Variants in GCNA observed in about 807,000 individuals in gnomAD.
GCNA encodes germ cell nuclear acidic peptidase.
In GCNA, 3 loss-of-function variants were observed where a neutral mutation model predicts 38.8. That is an observed-to-expected ratio of 0.08 (90% CI 0.04 to 0.20). The LOEUF (loss-of-function observed/expected upper bound fraction) is 0.20, where lower values mean the gene tolerates loss of function less well. Among genes scored for constraint, GCNA ranks in the 10% least tolerant of loss-of-function variants. The probability of loss-of-function intolerance (pLI) is 1.00; values close to 1 mark genes in which losing one functional copy is unlikely to be tolerated. For synonymous variants in GCNA, 195 were observed against 240.2 expected (o/e 0.81, Z 1.74); for missense variants, 446 against 578.6 (o/e 0.77, Z 2.35).
chrX:71,601,342 A>G (rs2040713252), intron 7 of GCNA, among the ~76,000 whole-genome samples: 1 of 108,973 alleles, frequency 9.2e-6, no homozygotes, highest in Non-Finnish European at 1.9e-5. Flanking sequence ...TCCATCTCAA[A>G]CAACAACAAC....
At chrX:71,610,050 C>T (rs1569442167) in intron 10 of GCNA, among the ~76,000 whole-genome samples, 2 of 111,256 alleles carry the variant, frequency 1.8e-5, no homozygotes. Flanking sequence ...GCAGGGTTGT[C>T]CTTCTCTCCT....
Position 71,589,450 on chromosome X carries a change from CTTTTTTTTTTTTTTTTTTT to C in GCNA, c.60-2657_60-2639del, listed in dbSNP as rs371046758. 2.1e-4 allele frequency among the ~76,000 whole-genome samples: 8 copies of C among 37,696 alleles called. No homozygotes were observed. In the South Asian group the frequency reaches 0.011, roughly 53 times the overall value. The allele number at this position is 37,696 out of a possible 115,157, so 32.7% of individuals were successfully genotyped here. On this transcript the variant is annotated intron_variant, in intron 2 of 12. Coordinates refer to ENST00000373696, the MANE Select transcript of GCNA (RefSeq NM_052957.5). Reference sequence around the variant, plus strand: ...AGCGTACCTGGCCTGCATATATTTCCTTTTTTTTTTTTTTTTTTTTTTTTTTTTTTTTTGAGACAGAGTC... The same window carrying C: ...AGCGTACCTGGCCTGCATATATTTCCTTTTTTTTTTTTTTGAGACAGAGTC...
At chrX:71,587,361 G>A (rs919320588) in intron 2 of GCNA, among the ~76,000 whole-genome samples, 6 of 110,316 alleles carry the variant, frequency 5.4e-5, no homozygotes, top group South Asian at 3.9e-4. Context: ...AAGTTGTACC[G>A]AAATGCATAA....
Position 71,604,591 on chromosome X carries a change from A to G in GCNA, c.1314A>G (p.Pro438=), listed in dbSNP as rs140732386. ...QTKTKNIVEP[P]RKRQTKTKNI... The stretch of plus-strand genomic sequence containing the variant: ...AGACCAAAAATATAGTGGAGCCACC[A>G]AGGAAAAGGCAGACAAAGACCAAAA... The change falls in exon 8 of 13, where the codon CCA becomes CCG. Residue 438 remains proline (P), a synonymous_variant. Coordinates refer to ENST00000373696, the MANE Select transcript of GCNA (RefSeq NM_052957.5). 8.3e-7 allele frequency: 1 copy of G among 1,199,135 alleles called. No homozygotes were observed. The highest frequency in any genetic ancestry group is 2.3e-5 in the Admixed American group (1 of 43,864).
At position 71,595,676 on chromosome X, in the gene GCNA, A is replaced by T. The variant is rs12556761; in HGVS notation, c.221+897A>T. On this transcript the variant is annotated intron_variant, in intron 6 of 12. Coordinates refer to ENST00000373696, the MANE Select transcript of GCNA (RefSeq NM_052957.5). ...GGGTGTTTCCCAGGTGCCAAACTGTAGGGGGTGCTGAAAAAAATTGCTGGA... is the reference window on the plus strand; with the variant it reads ...GGGTGTTTCCCAGGTGCCAAACTGTTGGGGGTGCTGAAAAAAATTGCTGGA... Among the ~76,000 whole-genome samples the T allele has an allele frequency of 3.6e-5, 4 of 111,561 alleles. No individual in the cohort carries two copies. The Admixed American group carries it at 3.8e-4, about 11-fold the overall frequency.
intron 11 of GCNA, 102 bp from the exon 12 acceptor site, chrX:71,612,253 G>A: frequency 2.9e-6 from 2 of 693,177 alleles, no homozygotes; most frequent in East Asian, 7.2e-5. Flanking sequence ...ACTCCAGCCT[G>A]GGCGACAAAG....
intron 2 of GCNA, among the ~76,000 whole-genome samples, chrX:71,588,683 T>C (rs1233880474): frequency 9.1e-6 from 1 of 110,240 alleles, no homozygotes; most frequent in Non-Finnish European, 1.9e-5. Context: ...AAAAATGAGC[T>C]GGGCGTGGTG....
chrX:71,603,342 G>A (rs2040731506), intron 7 of GCNA, among the ~76,000 whole-genome samples: 3 of 112,171 alleles, frequency 2.7e-5, no homozygotes, highest in African/African-American at 9.7e-5. Flanking sequence ...GATAGGGATT[G>A]TATTGAATCT....
chrX:71,601,085 C>A (rs1267935468), intron 7 of GCNA, among the ~76,000 whole-genome samples: 1 of 111,883 alleles, frequency 8.9e-6, no homozygotes, highest in East Asian at 2.8e-4. Context: ...GTGGCTCACG[C>A]CTGTAATCCC....
intron 2 of GCNA, among the ~76,000 whole-genome samples, chrX:71,584,878 AAG>A (rs2040573730): frequency 9.0e-6 from 1 of 111,432 alleles, no homozygotes; most frequent in African/African-American, 3.3e-5. Flanking sequence ...AAAATAAAAA[AAG>A]AAAAAAAATG....
intron 6 of GCNA, among the ~76,000 whole-genome samples, chrX:71,595,126 A>G (rs2040660754): frequency 9.0e-6 from 1 of 110,963 alleles, no homozygotes; most frequent in Admixed American, 9.6e-5. Context: ...TTTGAGACTG[A>G]GTCTTGCTCG....
chrX:71,605,448 C>G lies in GCNA; in HGVS notation c.1400-215C>G, dbSNP rs12009462. Among the ~76,000 whole-genome samples, 460 of 112,829 alleles carry G rather than the reference C, an allele frequency of 4.1e-3. 2 individuals are homozygous for G. Among genetic ancestry groups the G allele is most frequent in the African/African-American group, 0.014 (439 of 31,149 alleles). ...AGTCCTTGGTGCCTGTGACAGAATC[C>G]TGCCCAGCTCATGCTGCTGGCAGCT... On this transcript the variant is annotated intron_variant, in intron 8 of 12. Coordinates refer to ENST00000373696, the MANE Select transcript of GCNA (RefSeq NM_052957.5).
At chrX:71,585,243 G>A (rs1473493705) in intron 2 of GCNA, among the ~76,000 whole-genome samples, 1 of 110,586 alleles carries the variant, frequency 9.0e-6, no homozygotes, top group Non-Finnish European at 1.9e-5. Context: ...GAGCCCAGCA[G>A]GTGGAGGTTG....
At chrX:71,596,921 CACAGG>C (rs2035714593) in intron 6 of GCNA, among the ~76,000 whole-genome samples, 4 of 112,004 alleles carry the variant, frequency 3.6e-5, no homozygotes, top group Non-Finnish European at 5.6e-5. Flanking sequence ...CAGCCCTGCC[CACAGG>C]ATATCCAGGT....
chrX:71,602,513 C>G (rs1458572390), intron 7 of GCNA, among the ~76,000 whole-genome samples: 1 of 112,188 alleles, frequency 8.9e-6, no homozygotes, highest in Non-Finnish European at 1.9e-5. Flanking sequence ...ATTTGCATTT[C>G]TCTGATGATC....
intron 6 of GCNA, among the ~76,000 whole-genome samples, chrX:71,596,040 A>G (rs1329075472): frequency 9.0e-6 from 1 of 111,413 alleles, no homozygotes; most frequent in Non-Finnish European, 1.9e-5. Flanking sequence ...ACATGGGGAA[A>G]CCCCATCTTT....
intron 5 of GCNA, 99 bp downstream of exon 5, chrX:71,594,476 C>T (rs1433034589): frequency 8.9e-5 from 63 of 704,402 alleles, no homozygotes; most frequent in Non-Finnish European, 1.2e-4. Flanking sequence ...GTTCTAAGTT[C>T]GTCACCTCTA....
chrX:71,600,845 T>G (rs1214325291), intron 7 of GCNA, among the ~76,000 whole-genome samples: 1 of 111,820 alleles, frequency 8.9e-6, no homozygotes, highest in Non-Finnish European at 1.9e-5. Context: ...TTATACTCTT[T>G]TAATTATTTT....
At chrX:71,582,498 CAG>C (rs1374207272) in intron 2 of GCNA, among the ~76,000 whole-genome samples, 1 of 109,754 alleles carries the variant, frequency 9.1e-6, no homozygotes, top group East Asian at 2.8e-4. Flanking sequence ...GATAGGAAAA[CAG>C]AAAATCTCCT....
Sources: allele counts gnomAD v4.1 joint callset (sites outside exome capture counted in the v4.1 genomes callset), GRCh38; gene constraint gnomAD v4.1.1; transcripts MANE v1.5; gene names NCBI Gene and HGNC (gene_info 2026-07-23, HGNC 2026-07-21).